Variants in PIK3CD observed in about 807,000 individuals in gnomAD.
PIK3CD encodes phosphatidylinositol-4,5-bisphosphate 3-kinase catalytic subunit delta, also known as phosphatidylinositol 4,5-bisphosphate 3-kinase catalytic subunit delta isoform.
PIK3CD carries 20 observed loss-of-function variants against 122.9 expected under a neutral mutation model. That is an observed-to-expected ratio of 0.16 (90% CI 0.11 to 0.24). PIK3CD has a LOEUF of 0.24. Ranked by LOEUF, PIK3CD falls within the 10% of genes least tolerant of loss-of-function variation. The pLI, the probability that PIK3CD is intolerant of heterozygous loss-of-function variation, is 1.00. For missense variants in PIK3CD, 787 were observed against 1,406.3 expected, an observed-to-expected ratio of 0.56 and a Z score of 7.04; for synonymous variants, 596 against 593.4, an observed-to-expected ratio of 1.00 and a Z score of -0.06.
the PIK3CD span, among the ~76,000 whole-genome samples, chr1:9,629,935 G>A: frequency 7.2e-5 from 11 of 152,240 alleles, no homozygotes; most frequent in Non-Finnish European, 1.5e-4. Context: ...GAGTGGGGGC[G>A]GAGGCGGAGG....
intron 1 of PIK3CD, among the ~76,000 whole-genome samples, chr1:9,691,123 C>G (rs1437875662): frequency 6.6e-6 from 1 of 152,206 alleles, no homozygotes; most frequent in Non-Finnish European, 1.5e-5. Context: ...GAATGGAACT[C>G]GAACCCAGGC....
At chr1:9,631,810 T>G in the PIK3CD span, among the ~76,000 whole-genome samples, 2 of 152,144 alleles carry the variant, frequency 1.3e-5, no homozygotes, top group Admixed American at 6.6e-5. Context: ...TCATTCCAGT[T>G]GTCCTTGCTT....
At chr1:9,673,119 G>A (rs796282568) in intron 1 of PIK3CD, among the ~76,000 whole-genome samples, 1 of 140,576 alleles carries the variant, frequency 7.1e-6, no homozygotes, top group Non-Finnish European at 1.5e-5. Flanking sequence ...TTTTTTTTGA[G>A]ACAGGGTCTC....
intron 23 of PIK3CD, among the ~76,000 whole-genome samples, chr1:9,726,272 G>A (rs1649566771): frequency 6.6e-6 from 1 of 152,136 alleles, no homozygotes; most frequent in Non-Finnish European, 1.5e-5. Context: ...ACTTTGGGAG[G>A]CCAAGGCGGG....
At position 9,719,842 on chromosome 1, in the gene PIK3CD, G is replaced by T; in HGVS notation, c.1243-79G>T. The T allele has an allele frequency of 1.8e-6, 2 of 1,119,524 alleles. No individual in the cohort carries two copies. Among genetic ancestry groups the T allele is most frequent in the South Asian group, 2.5e-5 (2 of 81,012 alleles). 69.3% of individuals were successfully genotyped at this position (1,119,524 alleles called of 1,614,324 possible). ...AGCTGGGCTCTGGGTCTTCTCGGGT[G>T]GGGTGCCTGGGGGAGGGCAGGGAAG... On this transcript the variant is annotated intron_variant, in intron 9 of 23. Transcript: ENST00000377346. The surrounding 1 kb of genome is among the most constrained non-coding windows in gnomAD (Gnocchi z 5.5).
At chr1:9,633,913 T>A in the PIK3CD span, among the ~76,000 whole-genome samples, 573 of 152,270 alleles carry the variant, frequency 3.8e-3, 6 homozygotes, top group African/African-American at 0.013. Flanking sequence ...GGTTAAGGGT[T>A]GTGTGCTCCT....
Position 9,727,396 on chromosome 1 carries a change from C to G in PIK3CD, c.*350C>G, listed in dbSNP as rs1649827115. The G allele has an allele frequency of 9.4e-6, 4 of 426,964 alleles. No homozygotes were observed. The highest frequency in any genetic ancestry group is 1.8e-5 in the Non-Finnish European group (4 of 227,122). 26.4% of individuals were successfully genotyped at this position (426,964 alleles called of 1,614,324 possible). On this transcript the variant is annotated 3_prime_UTR_variant, in exon 24 of 24. Coordinates refer to ENST00000377346, the MANE Select transcript of PIK3CD (RefSeq NM_005026.5). ...TCTTCCCAGGCCTCCCGCCAGACTG[C>G]CTGGGTCCTGGCGCCTGGCGGTCAC...
chr1:9,720,955 A>G lies in PIK3CD; in HGVS notation c.1689+46A>G, dbSNP rs1269945326. 15 of 1,538,592 alleles carry G rather than the reference A, an allele frequency of 9.7e-6. No individual in the cohort carries two copies. The highest frequency in any genetic ancestry group is 1.9e-4 in the Middle Eastern group (1 of 5,162). On this transcript the variant is annotated intron_variant, in intron 13 of 23. Transcript: ENST00000377346. The surrounding 1 kb of genome is among the most constrained non-coding windows in gnomAD (Gnocchi z 9.0). ...GGGGGCGGAGCTGGGGGCAGACCAC[A>G]GCCTCTGGCTACCCACCACCCTGAC...
At chr1:9,706,589 T>C (rs1026298135) in intron 2 of PIK3CD, among the ~76,000 whole-genome samples, 1 of 152,144 alleles carries the variant, frequency 6.6e-6, no homozygotes, top group Admixed American at 6.6e-5. Context: ...CTGATGATAA[T>C]CTAGAAATGA....
chr1:9,641,625 C>T, the PIK3CD span, among the ~76,000 whole-genome samples: 2 of 152,292 alleles, frequency 1.3e-5, no homozygotes, highest in Admixed American at 6.5e-5. Flanking sequence ...CACCTGGCCA[C>T]CTCTGCGCTG....
intron 1 of PIK3CD, among the ~76,000 whole-genome samples, chr1:9,684,030 C>T (rs1405441461): frequency 6.6e-6 from 1 of 152,124 alleles, no homozygotes; most frequent in Non-Finnish European, 1.5e-5. Context: ...ACTTAATGCT[C>T]AGAATTCCAA....
the PIK3CD span, among the ~76,000 whole-genome samples, chr1:9,632,893 G>T: frequency 1.4e-5 from 2 of 138,016 alleles, no homozygotes; most frequent in Non-Finnish European, 3.1e-5. Context: ...ACAGAGTCTC[G>T]CTCTGTTGCC....
intron 1 of PIK3CD, chr1:9,653,790 T>A: frequency 7.3e-7 from 1 of 1,366,132 alleles, no homozygotes; most frequent in Non-Finnish European, 9.8e-7. Context: ...CATTTCTTGA[T>A]ATTAGGATTC....
the PIK3CD span, among the ~76,000 whole-genome samples, chr1:9,628,022 C>T: frequency 6.6e-6 from 1 of 152,202 alleles, no homozygotes. Flanking sequence ...GCGATCCAGC[C>T]TGGGCGACAG....
Position 9,724,455 on chromosome 1 carries a change from G to A in PIK3CD, c.2864+34G>A, listed in dbSNP as rs747543961. The A allele has an allele frequency of 1.1e-4, 175 of 1,613,118 alleles. No homozygotes were observed. The highest frequency in any genetic ancestry group is 1.0e-4 in the Non-Finnish European group (121 of 1,179,606). ...GCCTGAGCCCCACCAGATGCCCCTC[G>A]GTGTGGGGCCCCAGGGAACAGGGCA... On this transcript the variant is annotated intron_variant, in intron 22 of 23. Transcript: ENST00000377346. This position sits in a 1 kb window ranked among gnomAD's most constrained non-coding sequence, Gnocchi z 7.3.
chr1:9,707,263 A>C (rs1350890179), intron 2 of PIK3CD, among the ~76,000 whole-genome samples: 1 of 152,020 alleles, frequency 6.6e-6, no homozygotes, highest in Non-Finnish European at 1.5e-5. Context: ...AAAAGTAACT[A>C]AGAAAAGTAG....
chr1:9,714,380 G>C lies in PIK3CD; in HGVS notation c.142-1161G>C, dbSNP rs114171966. The stretch of plus-strand genomic sequence containing the variant: ...GCCACCATAGGACAGGAGCAGCCCT[G>C]AGTGATATGTAAATGAAGAGGCGTG... On this transcript the variant is annotated intron_variant, in intron 3 of 23. Coordinates refer to ENST00000377346, the MANE Select transcript of PIK3CD (RefSeq NM_005026.5). Among the ~76,000 whole-genome samples, 1,064 of 152,316 alleles carry C rather than the reference G, an allele frequency of 7.0e-3. 5 individuals are homozygous for C. The highest frequency in any genetic ancestry group is 0.024 in the African/African-American group (979 of 41,568).
intron 2 of PIK3CD, among the ~76,000 whole-genome samples, chr1:9,705,944 G>T (rs1329119261): frequency 6.6e-6 from 1 of 151,980 alleles, no homozygotes; most frequent in African/African-American, 2.4e-5. Context: ...CCGATCGTAG[G>T]TTATGCCACA....
intron 1 of PIK3CD, chr1:9,654,029 C>T: frequency 1.6e-6 from 2 of 1,261,664 alleles, no homozygotes; most frequent in African/African-American, 1.5e-5. Context: ...TATTACAGTG[C>T]CACTGCGCTC....
Sources: allele counts gnomAD v4.1 joint callset (sites outside exome capture counted in the v4.1 genomes callset), GRCh38; gene constraint gnomAD v4.1.1; non-coding constraint Gnocchi (gnomAD v3.1); transcripts MANE v1.5; gene names NCBI Gene and HGNC (gene_info 2026-07-23, HGNC 2026-07-21).